MTMR8: variants seen among roughly 807,000 people sequenced by gnomAD.
MTMR8 encodes the protein phosphatidylinositol-3,5-bisphosphate 3-phosphatase MTMR8.
In MTMR8, 65 loss-of-function variants were observed where a neutral mutation model predicts 39.3. The ratio of observed to expected loss-of-function variants is 1.65; its 90% CI spans 1.35 to 2.03. The LOEUF (loss-of-function observed/expected upper bound fraction) is 2.03. Ranked by LOEUF, MTMR8 falls within the 30% of genes most tolerant of loss-of-function variation. The pLI is 0.00. For synonymous variants in MTMR8, 245 were observed against 185.2 expected, an observed-to-expected ratio of 1.32 and a Z score of -2.62; for missense variants, 777 against 538.9, an observed-to-expected ratio of 1.44 and a Z score of -4.37.
chrX:64,371,532 A>G (rs1440457510), intron 1 of MTMR8, among the ~76,000 whole-genome samples: 3 of 111,486 alleles, frequency 2.7e-5, no homozygotes, highest in Non-Finnish European at 5.7e-5. Flanking sequence ...CTTTGACCCA[A>G]TACCCTACTG....
At chrX:64,313,077 G>A (rs984993842) in intron 12 of MTMR8, among the ~76,000 whole-genome samples, 1 of 112,262 alleles carries the variant, frequency 8.9e-6, no homozygotes, top group African/African-American at 3.2e-5. Context: ...GTCACCAGCT[G>A]CATTAAACCC....
chrX:64,316,305 C>T (rs1347679265), intron 12 of MTMR8, among the ~76,000 whole-genome samples: 2 of 112,069 alleles, frequency 1.8e-5, no homozygotes, highest in Non-Finnish European at 3.8e-5. Context: ...TGGTGACAAA[C>T]ACGTTTTATT....
chrX:64,376,985 C>G (rs1468828601), intron 1 of MTMR8, among the ~76,000 whole-genome samples: 1 of 111,916 alleles, frequency 8.9e-6, no homozygotes, highest in Non-Finnish European at 1.9e-5. Context: ...CCAGATACGT[C>G]TCAGGATGCT....
At chrX:64,345,771 C>T (rs1020208533) in intron 6 of MTMR8, among the ~76,000 whole-genome samples, 2 of 111,124 alleles carry the variant, frequency 1.8e-5, no homozygotes, top group African/African-American at 3.3e-5. Context: ...TACCACCATG[C>T]CTGGCTAATT....
chrX:64,308,622 A>G (rs1922202548), intron 12 of MTMR8, among the ~76,000 whole-genome samples: 1 of 111,059 alleles, frequency 9.0e-6, no homozygotes, highest in Non-Finnish European at 1.9e-5. Flanking sequence ...CAATATTTTC[A>G]TTTGATTCCA....
intron 1 of MTMR8, among the ~76,000 whole-genome samples, chrX:64,382,221 C>T (rs1049134088): frequency 3.6e-5 from 4 of 111,733 alleles, no homozygotes; most frequent in East Asian, 5.6e-4. Context: ...GATATTGATT[C>T]CTCCTGCCCG....
chrX:64,346,692 G>C (rs1923356173), intron 6 of MTMR8, among the ~76,000 whole-genome samples: 1 of 110,440 alleles, frequency 9.1e-6, no homozygotes, highest in Admixed American at 9.7e-5. Flanking sequence ...TGTTCAGGTG[G>C]CAAACTGAGA....
At chrX:64,340,459 A>G (rs1424593120) in intron 8 of MTMR8, among the ~76,000 whole-genome samples, 1 of 111,020 alleles carries the variant, frequency 9.0e-6, no homozygotes, top group Non-Finnish European at 1.9e-5. Flanking sequence ...GTATAGCTAA[A>G]TGAAATAGAT....
rs767568395 is a variant in MTMR8 at position 64,268,931 on chromosome X, C to G, written c.1721G>C (p.Gly574Ala). 1.7e-6 allele frequency: 2 copies of G among 1,211,601 alleles called. No individual in the cohort carries two copies. Among genetic ancestry groups the G allele is most frequent in the East Asian group, 5.9e-5 (2 of 33,834 alleles). ...CAGGGTATTCAGGTCTCCATTGATA[C>G]CCATAAAGCCAAGAGGATTGGTCAA... ...SPLTNPLGFM[G>A]INGDLNTLME... The change falls in exon 14 of 14, where the codon GGT becomes GCT. Residue 574 changes from glycine (G) to alanine (A), a missense_variant. Coordinates refer to ENST00000374852, the MANE Select transcript of MTMR8 (RefSeq NM_017677.4).
In MTMR8 at chrX:64,299,017, C is replaced by T. The variant is rs1300777682; in HGVS notation, c.1482-27944G>A. On this transcript the variant is annotated intron_variant, in intron 12 of 13. Transcript: ENST00000374852. ...CGAGGATTTTTGCATCAATGTTCAT[C>T]AAGGATATTGGTCTAAAATTCTCTT... is the stretch of plus-strand genomic sequence containing the variant. Among the ~76,000 whole-genome samples the T allele has an allele frequency of 5.9e-5, 4 of 67,716 alleles. No homozygotes were observed. The East Asian group carries it at 1.2e-3, about 21-fold the overall frequency. The allele number at this position is 67,716 out of a possible 115,157, so 58.8% of individuals were successfully genotyped here. A position where few individuals can be genotyped will look rare whatever the true frequency, so the allele number is the denominator to read the frequency against.
intron 12 of MTMR8, among the ~76,000 whole-genome samples, chrX:64,320,301 A>T (rs1391240884): frequency 9.0e-6 from 1 of 111,167 alleles, no homozygotes; most frequent in Non-Finnish European, 1.9e-5. Flanking sequence ...AGAGAGTGAT[A>T]CAACATGCTG....
intron 4 of MTMR8, among the ~76,000 whole-genome samples, chrX:64,353,581 G>A (rs1923539938): frequency 1.8e-5 from 2 of 111,664 alleles, no homozygotes; most frequent in Admixed American, 1.9e-4. Flanking sequence ...TATCAAAAAG[G>A]CAATAATGGA....
chrX:64,309,505 T>C (rs767745335), intron 12 of MTMR8, among the ~76,000 whole-genome samples: 1 of 111,950 alleles, frequency 8.9e-6, no homozygotes, highest in Non-Finnish European at 1.9e-5. Flanking sequence ...TCGTTGGGAT[T>C]TTTTCTACAT....
intron 12 of MTMR8, among the ~76,000 whole-genome samples, chrX:64,298,313 G>C (rs1459727981): frequency 2.3e-4 from 23 of 100,251 alleles, no homozygotes; most frequent in African/African-American, 7.2e-4. Flanking sequence ...TTGTAAGTTG[G>C]ATTCCTAGGT....
At chrX:64,331,294 G>A in intron 11 of MTMR8, 1 of 352,176 alleles carries the variant, frequency 2.8e-6, no homozygotes, top group Non-Finnish European at 5.0e-6. Flanking sequence ...ATTTGCAAAG[G>A]CCTTGTACAT....
At chrX:64,286,861 G>A (rs1324887933) in intron 12 of MTMR8, among the ~76,000 whole-genome samples, 1 of 111,481 alleles carries the variant, frequency 9.0e-6, no homozygotes, top group African/African-American at 3.3e-5. Context: ...ATATCATACT[G>A]AATGGGCAAA....
chrX:64,345,243 T>C, intron 6 of MTMR8, 66 bp from the exon 7 acceptor site: 1 of 1,063,854 alleles, frequency 9.4e-7, no homozygotes, highest in Non-Finnish European at 1.3e-6. Context: ...TTCATCAATC[T>C]CAATGCCTCA....
chrX:64,311,258 C>T (rs917220782), intron 12 of MTMR8, among the ~76,000 whole-genome samples: 8 of 111,735 alleles, frequency 7.2e-5, no homozygotes, highest in African/African-American at 1.6e-4. Context: ...CCAGTGATGA[C>T]GAGCATTTTT....
chrX:64,297,649 C>T (rs1380238442), intron 12 of MTMR8, among the ~76,000 whole-genome samples: 3 of 96,048 alleles, frequency 3.1e-5, no homozygotes, highest in South Asian at 1.1e-3. Context: ...GACATGAAGT[C>T]CTTGCCCATG....
Sources: gnomAD v4.1 joint callset for allele counts (sites outside exome capture counted in the v4.1 genomes callset) on GRCh38, gnomAD v4.1.1 for gene constraint, MANE v1.5 for transcripts, NCBI Gene and HGNC (gene_info 2026-07-23, HGNC 2026-07-21) for gene names.